The following ODAD2 variants were observed in gnomAD, a reference collection of about 807,000 sequenced individuals.
The protein encoded by ODAD2 is outer dynein arm-docking complex subunit 2.
A neutral mutation model predicts 106.8 loss-of-function variants in ODAD2; 89 were observed. The ratio of observed to expected loss-of-function variants is 0.83; its 90% confidence interval spans 0.70 to 0.99. The LOEUF (loss-of-function observed/expected upper bound fraction) is 0.99, where lower values mean the gene tolerates loss of function less well. Among genes scored for constraint, ODAD2 ranks in the 50% least tolerant of loss-of-function variants. The pLI is 0.00. For synonymous variants in ODAD2, 404 were observed against 436.2 expected (o/e 0.93, Z 0.92); for missense variants, 1,168 against 1,238.5 (o/e 0.94, Z 0.85).
intron 19 of ODAD2, among the ~76,000 whole-genome samples, chr10:27,842,043 C>T (rs959074968): frequency 1.3e-5 from 2 of 152,178 alleles, no homozygotes; most frequent in African/African-American, 4.8e-5. Flanking sequence ...GCTGCAAATT[C>T]TTCTCCTCAC....
chr10:27,966,415 G>A (rs12253393), intron 9 of ODAD2, among the ~76,000 whole-genome samples: 7 of 152,266 alleles, frequency 4.6e-5, no homozygotes, highest in African/African-American at 9.6e-5. Context: ...AGTGAATTAC[G>A]TCTACCCAAT....
intron 10 of ODAD2, among the ~76,000 whole-genome samples, chr10:27,952,844 G>C (rs918550632): frequency 6.6e-6 from 1 of 152,040 alleles, no homozygotes; most frequent in African/African-American, 2.4e-5. Flanking sequence ...TTTGCTTTCT[G>C]TAAGGAGCTA....
At chr10:27,972,287 A>G (rs543937419) in intron 7 of ODAD2, among the ~76,000 whole-genome samples, 1 of 152,326 alleles carries the variant, frequency 6.6e-6, no homozygotes, top group East Asian at 1.9e-4. Flanking sequence ...TAAGAAATAT[A>G]ACTAGTAAAC....
chr10:27,893,755 TG>T (rs1467152374), intron 17 of ODAD2, among the ~76,000 whole-genome samples: 1 of 152,210 alleles, frequency 6.6e-6, no homozygotes, highest in African/African-American at 2.4e-5. Flanking sequence ...CTATACTATT[TG>T]GTATGATCTC....
In ODAD2 at chr10:27,935,203, G is replaced by T; in HGVS notation, c.2302C>A (p.Gln768Lys). ...IETLVGLLTD[Q>K]PEEVLVNVVG... ...ACATTCACAAGTACTTCTTCAGGCT[G>T]ATCTGTTAGAAGTCCCACCAAGGTT... Residue 768 changes from glutamine to lysine, a missense_variant, in exon 16 of 20, where the codon CAG becomes AAG. Gln to Lys is a moderately conservative substitution (Grantham distance 53, BLOSUM62 1). Transcript: ENST00000305242. 3 of 1,613,938 alleles carry T rather than the reference G, an allele frequency of 1.9e-6. No individual in the cohort carries two copies. Among genetic ancestry groups the T allele is most frequent in the Non-Finnish European group, 2.5e-6 (3 of 1,179,858 alleles).
chr10:27,958,270 C>G (rs1847872075), intron 10 of ODAD2, among the ~76,000 whole-genome samples: 2 of 152,146 alleles, frequency 1.3e-5, no homozygotes, highest in Non-Finnish European at 2.9e-5. Flanking sequence ...TGTACTGGGA[C>G]AGAAATAGTG....
chr10:27,891,059 C>T (rs1325365021), intron 17 of ODAD2, among the ~76,000 whole-genome samples: 1 of 152,096 alleles, frequency 6.6e-6, no homozygotes, highest in Non-Finnish European at 1.5e-5. Flanking sequence ...AAACTAAACC[C>T]CTCCACAAGC....
intron 17 of ODAD2, among the ~76,000 whole-genome samples, chr10:27,904,762 A>G (rs972989646): frequency 2.0e-5 from 3 of 152,356 alleles, no homozygotes; most frequent in Admixed American, 2.0e-4. Context: ...TTTAGTATCA[A>G]CTTACCAACT....
chr10:27,841,353 G>A (rs896514608), intron 19 of ODAD2, among the ~76,000 whole-genome samples: 1 of 151,914 alleles, frequency 6.6e-6, no homozygotes, highest in African/African-American at 2.4e-5. Context: ...CACCAGCCTC[G>A]TAGACAGATC....
intron 7 of ODAD2, among the ~76,000 whole-genome samples, chr10:27,979,435 C>T (rs562328740): frequency 7.5e-6 from 1 of 133,706 alleles, no homozygotes; most frequent in African/African-American, 3.0e-5. Context: ...AGAATACACA[C>T]ACACACCCAT....
At chr10:27,899,267 C>T (rs1303759628) in intron 17 of ODAD2, among the ~76,000 whole-genome samples, 2 of 151,996 alleles carry the variant, frequency 1.3e-5, no homozygotes, top group African/African-American at 4.8e-5. Context: ...CCATGAGGAA[C>T]AGTATACTCT....
Position 27,832,989 on chromosome 10 carries a change from C to A in ODAD2, c.3022-20364G>T, listed in dbSNP as rs1353621218. On this transcript the variant is annotated intron_variant, in intron 19 of 19. Coordinates refer to ENST00000305242, the MANE Select transcript of ODAD2 (RefSeq NM_018076.5). ...AAAGCATCAGTGCAATATGGCTTTT[C>A]CAACTTGGCAGGGGCAGGTGGAATC... Among the ~76,000 whole-genome samples, 3 of 152,226 alleles carry A rather than the reference C, an allele frequency of 2.0e-5. No homozygotes were observed. In the East Asian group the frequency reaches 5.8e-4, roughly 29 times the overall value.
chr10:27,848,740 A>T (rs1209601929), intron 19 of ODAD2, among the ~76,000 whole-genome samples: 1 of 152,248 alleles, frequency 6.6e-6, no homozygotes, highest in East Asian at 1.9e-4. Context: ...AAGTGGGCAA[A>T]GGATATGAAC....
At chr10:27,876,324 C>T (rs1002510766) in intron 17 of ODAD2, among the ~76,000 whole-genome samples, 8 of 152,174 alleles carry the variant, frequency 5.3e-5, no homozygotes, top group African/African-American at 1.9e-4. Flanking sequence ...CCCCACACTG[C>T]CGGGTACCCC....
At chr10:27,953,039 T>C (rs1268860175) in intron 10 of ODAD2, among the ~76,000 whole-genome samples, 1 of 152,208 alleles carries the variant, frequency 6.6e-6, no homozygotes, top group African/African-American at 2.4e-5. Context: ...CTTTAATGTA[T>C]ACAATTTGAT....
chr10:27,814,257 G>T (rs1835957378), intron 19 of ODAD2, among the ~76,000 whole-genome samples: 1 of 152,156 alleles, frequency 6.6e-6, no homozygotes, highest in Non-Finnish European at 1.5e-5. Flanking sequence ...GAGGGGTCAG[G>T]CTCCTGCCTG....
chr10:27,819,205 CG>C (rs1049452820), intron 19 of ODAD2, among the ~76,000 whole-genome samples: 1 of 151,782 alleles, frequency 6.6e-6, no homozygotes, highest in Non-Finnish European at 1.5e-5. Context: ...GAGCACAGGT[CG>C]GGGGAATTTA....
intron 16 of ODAD2, among the ~76,000 whole-genome samples, chr10:27,919,215 T>C (rs1844605477): frequency 6.6e-6 from 1 of 152,044 alleles, no homozygotes; most frequent in African/African-American, 2.4e-5. Flanking sequence ...TTTCAATAAA[T>C]GGTACTGGGA....
chr10:27,843,342 A>G (rs1163524127), intron 19 of ODAD2, among the ~76,000 whole-genome samples: 1 of 152,258 alleles, frequency 6.6e-6, no homozygotes, highest in Non-Finnish European at 1.5e-5. Context: ...GATCTATAAA[A>G]ATATACAAAG....
Sources: gnomAD v4.1 joint callset for allele counts (sites outside exome capture counted in the v4.1 genomes callset) on GRCh38, gnomAD v4.1.1 for gene constraint, MANE v1.5 for transcripts, NCBI Gene and HGNC (gene_info 2026-07-23, HGNC 2026-07-21) for gene names.